The following PANK1 variants were observed in gnomAD, a reference collection of about 807,000 sequenced individuals.
PANK1 encodes pantothenic acid kinase 1.
A neutral mutation model predicts 40.1 loss-of-function variants in PANK1; 18 were observed. The observed-to-expected ratio is 0.45, with a 90% confidence interval of 0.31 to 0.67. The LOEUF (loss-of-function observed/expected upper bound fraction) is 0.67, where lower values mean the gene tolerates loss of function less well. Among genes scored for constraint, PANK1 ranks in the 30% least tolerant of loss-of-function variants. PANK1 has a pLI of 0.06. For missense variants in PANK1, 457 were observed against 599.6 expected (o/e 0.76, Z 2.48); for synonymous variants, 242 against 237.7 (o/e 1.02, Z -0.17).
intron 1 of PANK1, among the ~76,000 whole-genome samples, chr10:89,633,395 C>T (rs1306459847): frequency 1.3e-5 from 2 of 152,038 alleles, no homozygotes; most frequent in African/African-American, 2.4e-5. Flanking sequence ...CACTTTGGGA[C>T]CCTTTCTCAA....
chr10:89,585,053 A>C (rs1324037553), intron 6 of PANK1, among the ~76,000 whole-genome samples: 1 of 152,196 alleles, frequency 6.6e-6, no homozygotes, highest in East Asian at 1.9e-4. Flanking sequence ...TATATATAAC[A>C]AAGTACCCTA....
At chr10:89,631,433 C>A (rs1392709517) in intron 1 of PANK1, among the ~76,000 whole-genome samples, 1 of 152,140 alleles carries the variant, frequency 6.6e-6, no homozygotes, top group Non-Finnish European at 1.5e-5. Context: ...CTTCTTTAAA[C>A]CCTTGGTTCA....
downstream of PANK1, chr10:89,582,401 T>C (rs1412564989): frequency 6.6e-6 from 1 of 152,228 alleles, no homozygotes; most frequent in Non-Finnish European, 1.5e-5. Flanking sequence ...CTGATATTTG[T>C]ATAATGGAAT....
At chr10:89,640,340 C>G (rs1841934764) in intron 1 of PANK1, among the ~76,000 whole-genome samples, 1 of 152,012 alleles carries the variant, frequency 6.6e-6, no homozygotes, top group African/African-American at 2.4e-5. Context: ...AATAATATTT[C>G]TTTGCCCCTT....
chr10:89,616,989 G>C (rs1020416326), intron 1 of PANK1, among the ~76,000 whole-genome samples: 2 of 152,108 alleles, frequency 1.3e-5, no homozygotes, highest in African/African-American at 4.8e-5. Flanking sequence ...GGTTGAAAAA[G>C]GTGATAGATA....
At chr10:89,640,209 T>C (rs1841931414) in intron 1 of PANK1, among the ~76,000 whole-genome samples, 1 of 152,222 alleles carries the variant, frequency 6.6e-6, no homozygotes, top group Admixed American at 6.5e-5. Context: ...TGTCACTCAA[T>C]AATAGCTACT....
chr10:89,595,833 A>ATATATATATATAT (rs1554837945), intron 3 of PANK1, among the ~76,000 whole-genome samples: 2 of 33,772 alleles, frequency 5.9e-5, no homozygotes, highest in Admixed American at 4.2e-4. Context: ...AAAAAAAAAA[A>ATATATATATATAT]ATATATATAT....
chr10:89,595,598 T>A (rs1323296906), intron 3 of PANK1, among the ~76,000 whole-genome samples: 1 of 151,452 alleles, frequency 6.6e-6, no homozygotes, highest in Non-Finnish European at 1.5e-5. Context: ...GGTGGGTGGA[T>A]CACCTGAGGT....
rs1844102674 is a variant in PANK1 at position 89,583,661 on chromosome 10, AC to A, written c.*744del. On this transcript the variant is annotated 3_prime_UTR_variant, in exon 7 of 7. Transcript: ENST00000307534. Reference sequence around the variant, plus strand: ...AGGACAAACTTGCATATAATTTGCAACTTTTGCCAGACTCATTAAATTCATT... The same window carrying A: ...AGGACAAACTTGCATATAATTTGCAATTTTGCCAGACTCATTAAATTCATT... The A allele has an allele frequency of 1.3e-5, 2 of 152,202 alleles. No homozygotes were observed. The highest frequency in any genetic ancestry group is 1.3e-4 in the Admixed American group (2 of 15,278). 9.4% of individuals were successfully genotyped at this position (152,202 alleles called of 1,614,324 possible). A position where few individuals can be genotyped will look rare whatever the true frequency, so the allele number is the denominator to read the frequency against.
At chr10:89,590,218 A>C (rs1844337362) in intron 5 of PANK1, among the ~76,000 whole-genome samples, 1 of 152,138 alleles carries the variant, frequency 6.6e-6, no homozygotes, top group East Asian at 1.9e-4. Context: ...CCAAACGGGA[A>C]GCAATAAATG....
intron 2 of PANK1, among the ~76,000 whole-genome samples, chr10:89,607,299 G>C (rs1488163615): frequency 6.6e-6 from 1 of 152,166 alleles, no homozygotes; most frequent in East Asian, 1.9e-4. Context: ...GGAGAGAGAT[G>C]GGGGGACAGC....
downstream of PANK1, chr10:89,580,373 G>T (rs1466147838): frequency 1.3e-5 from 2 of 152,086 alleles, no homozygotes; most frequent in East Asian, 1.9e-4. Context: ...CTCTTTGATG[G>T]CTCCACAGTG....
rs910776924 is a variant in PANK1 at position 89,583,154 on chromosome 10, A to T, written c.*1252T>A. The T allele has an allele frequency of 3.3e-5, 5 of 152,108 alleles. No homozygotes were observed. Among genetic ancestry groups the T allele is most frequent in the African/African-American group, 4.8e-5 (2 of 41,420 alleles). 9.4% of individuals were successfully genotyped at this position (152,108 alleles called of 1,614,324 possible). A position where few individuals can be genotyped will look rare whatever the true frequency, so the allele number is the denominator to read the frequency against. ...TGTCCTTCAAAAATCCCTTTCAACA[A>T]TAAGCTCAATACACAAGATCATGGG... On this transcript the variant is annotated 3_prime_UTR_variant, in exon 7 of 7. Transcript: ENST00000307534.
intron 3 of PANK1, among the ~76,000 whole-genome samples, chr10:89,594,198 C>T (rs1248893030): frequency 6.6e-6 from 1 of 151,944 alleles, no homozygotes; most frequent in African/African-American, 2.4e-5. Flanking sequence ...GGAAAATTTG[C>T]CCCTAAATTT....
intron 2 of PANK1, among the ~76,000 whole-genome samples, chr10:89,603,215 C>A (rs1844840378): frequency 6.6e-6 from 1 of 152,126 alleles, no homozygotes; most frequent in Non-Finnish European, 1.5e-5. Flanking sequence ...ATAATCACCC[C>A]CGACCATGAC....
At chr10:89,599,565 G>A (rs1844713607) in intron 2 of PANK1, 60 bp from the exon 3 acceptor site, 1 of 1,509,440 alleles carries the variant, frequency 6.6e-7, no homozygotes, top group Non-Finnish European at 9.0e-7. Flanking sequence ...CTAAGGGGAA[G>A]CCCCAGAGGT....
intron 6 of PANK1, among the ~76,000 whole-genome samples, chr10:89,587,388 C>G (rs1844226891): frequency 1.3e-5 from 2 of 152,038 alleles, no homozygotes; most frequent in Non-Finnish European, 2.9e-5. Context: ...ATAAAAAGAG[C>G]ACAAATTAAT....
At chr10:89,596,110 T>G (rs1171866857) in intron 3 of PANK1, among the ~76,000 whole-genome samples, 1 of 151,906 alleles carries the variant, frequency 6.6e-6, no homozygotes, top group Admixed American at 6.6e-5. Flanking sequence ...TAATGCAGTA[T>G]GTCATTCTAC....
chr10:89,644,583 C>T lies in PANK1; in HGVS notation c.292+17G>A. The T allele has an allele frequency of 1.3e-6, 2 of 1,581,050 alleles. No individual in the cohort carries two copies. Among genetic ancestry groups the T allele is most frequent in the Non-Finnish European group, 1.7e-6 (2 of 1,168,850 alleles). On this transcript the variant is annotated intron_variant, in intron 1 of 6. Coordinates refer to ENST00000307534, the MANE Select transcript of PANK1 (RefSeq NM_148977.3). ...GCGTCTGCCTTGCGCCCGCGCTCCCCTCCCAGCGGGACTTACGCGGCCTGT... is the reference window on the plus strand; with the variant it reads ...GCGTCTGCCTTGCGCCCGCGCTCCCTTCCCAGCGGGACTTACGCGGCCTGT...
Sources: gnomAD v4.1 joint callset for allele counts (sites outside exome capture counted in the v4.1 genomes callset) on GRCh38, gnomAD v4.1.1 for gene constraint, MANE v1.5 for transcripts, NCBI Gene and HGNC (gene_info 2026-07-23, HGNC 2026-07-21) for gene names.